PDLIM5: variants seen among roughly 807,000 people sequenced by gnomAD.
PDLIM5 encodes the protein PDZ and LIM domain 5.
A neutral mutation model predicts 64.2 loss-of-function variants in PDLIM5; 34 were observed. The observed-to-expected ratio is 0.53, with a 90% confidence interval of 0.40 to 0.71. The LOEUF is 0.71. PDLIM5 is among the 30% of genes least tolerant of loss of function. The pLI is 0.00. For missense variants in PDLIM5, 683 were observed against 733.6 expected, an observed-to-expected ratio of 0.93 and a Z score of 0.80; for synonymous variants, 253 against 269.1, an observed-to-expected ratio of 0.94 and a Z score of 0.59.
chr4:94,522,536 C>T (rs964487379), intron 2 of PDLIM5, among the ~76,000 whole-genome samples: 12 of 152,134 alleles, frequency 7.9e-5, no homozygotes, highest in East Asian at 3.9e-4. Flanking sequence ...CCACCACGCC[C>T]GGCTGATTTT....
At chr4:94,454,331 T>A (rs1195962827) in intron 1 of PDLIM5, among the ~76,000 whole-genome samples, 1 of 152,018 alleles carries the variant, frequency 6.6e-6, no homozygotes, top group Non-Finnish European at 1.5e-5. Context: ...CGAAGTTTTT[T>A]TTTTTTTTTT....
chr4:94,461,211 C>T (rs1344807543), intron 2 of PDLIM5, among the ~76,000 whole-genome samples: 1 of 152,144 alleles, frequency 6.6e-6, no homozygotes, highest in Admixed American at 6.5e-5. Context: ...TCAACTTTGG[C>T]AGATGAGACT....
At position 94,590,418 on chromosome 4, in the gene PDLIM5, A is replaced by G. The variant is rs114630092; in HGVS notation, c.920+3974A>G. On this transcript the variant is annotated intron_variant, in intron 7 of 12. Coordinates refer to ENST00000317968, the MANE Select transcript of PDLIM5 (RefSeq NM_006457.5). ...TTGTAAATATTTACTCATTGCCAGC[A>G]TTCATTCTTTCAAATGCATAATTGC... Among the ~76,000 whole-genome samples the G allele has an allele frequency of 3.7e-3, 566 of 152,336 alleles. 3 individuals carry two copies. Among genetic ancestry groups the G allele is most frequent in the Middle Eastern group, 6.8e-3 (2 of 294 alleles).
At chr4:94,489,506 A>G (rs1001967127) in intron 2 of PDLIM5, among the ~76,000 whole-genome samples, 6 of 152,124 alleles carry the variant, frequency 3.9e-5, no homozygotes, top group Non-Finnish European at 7.3e-5. Flanking sequence ...TTAGGTGCAG[A>G]ATATTCAGAA....
At chr4:94,649,993 G>A (rs1309399880) in intron 9 of PDLIM5, among the ~76,000 whole-genome samples, 3 of 152,204 alleles carry the variant, frequency 2.0e-5, no homozygotes, top group Non-Finnish European at 4.4e-5. Context: ...AATGTAGTAT[G>A]TTAAAGGACT....
At position 94,458,116 on chromosome 4, in the gene PDLIM5, C is replaced by T. The variant is rs535454173; in HGVS notation, c.96+2732C>T. Among the ~76,000 whole-genome samples, 9 of 152,094 alleles carry T rather than the reference C, an allele frequency of 5.9e-5. No individual in the cohort carries two copies. In the East Asian group the frequency reaches 1.7e-3, roughly 29 times the overall value. On this transcript the variant is annotated intron_variant, in intron 2 of 12. Transcript: ENST00000317968. ...AGTAACATTGCCTAATAAAGGTTTGCGTTTAATAACTAATTTATATTGTGG... is the reference window on the plus strand; with the variant it reads ...AGTAACATTGCCTAATAAAGGTTTGTGTTTAATAACTAATTTATATTGTGG...
At chr4:94,494,053 G>A (rs1375797516) in intron 2 of PDLIM5, among the ~76,000 whole-genome samples, 1 of 151,892 alleles carries the variant, frequency 6.6e-6, no homozygotes, top group Non-Finnish European at 1.5e-5. Flanking sequence ...TCTACTTGCT[G>A]GGTTCAAGTG....
At position 94,654,576 on chromosome 4, in the gene PDLIM5, G is replaced by A; in HGVS notation, c.1400G>A (p.Cys467Tyr). ...GTAGAGGAGAAAGGAGCCCTGTATT[G>A]TGAGCTGTGCTATGAGAAATTCTTT... ...GFVEEKGALYCELCYEKFFAP... is the reference protein window; with the variant it reads ...GFVEEKGALYYELCYEKFFAP... Residue 467 changes from cysteine to tyrosine, a missense_variant, in exon 10 of 13, where the codon TGT becomes TAT. Transcript: ENST00000317968. 1 of 1,612,748 alleles carries A rather than the reference G, an allele frequency of 6.2e-7. No individual in the cohort carries two copies.
intron 3 of PDLIM5, among the ~76,000 whole-genome samples, chr4:94,543,204 A>C (rs1294114097): frequency 6.6e-6 from 1 of 152,190 alleles, no homozygotes; most frequent in Non-Finnish European, 1.5e-5. Flanking sequence ...GGCAAGTCCC[A>C]AATCAAGGTG....
At chr4:94,579,531 T>C (rs1318234609) in intron 5 of PDLIM5, 4 of 1,371,196 alleles carry the variant, frequency 2.9e-6, no homozygotes, top group African/African-American at 2.9e-5. Context: ...AAAACACAAG[T>C]GACAAAGTTA....
chr4:94,475,228 T>G (rs1725223532), intron 2 of PDLIM5, among the ~76,000 whole-genome samples: 1 of 152,118 alleles, frequency 6.6e-6, no homozygotes, highest in Non-Finnish European at 1.5e-5. Context: ...GAGGGACTTA[T>G]TCTAATGGAG....
Position 94,626,490 on chromosome 4 carries a change from G to A in PDLIM5, c.1108+8299G>A, listed in dbSNP as rs574522842. On this transcript the variant is annotated intron_variant, in intron 8 of 12. Transcript: ENST00000317968. Reference sequence around the variant, plus strand: ...TTTCCTAAGTCAAAAGACAGTATCAGTGAACGTATTTAAGGAGGACTGTAT... The same window carrying A: ...TTTCCTAAGTCAAAAGACAGTATCAATGAACGTATTTAAGGAGGACTGTAT... Among the ~76,000 whole-genome samples, 4 of 152,310 alleles carry A rather than the reference G, an allele frequency of 2.6e-5. No homozygotes were observed. The East Asian group carries it at 7.7e-4, about 29-fold the overall frequency.
intron 5 of PDLIM5, chr4:94,582,941 A>C (rs1040428810): frequency 1.2e-5 from 6 of 504,534 alleles, no homozygotes; most frequent in Middle Eastern, 1.1e-3. Context: ...CTGTAATGAA[A>C]AACTTAGTAA....
At chr4:94,652,799 A>T (rs1001511570) in intron 9 of PDLIM5, among the ~76,000 whole-genome samples, 1 of 152,198 alleles carries the variant, frequency 6.6e-6, no homozygotes, top group African/African-American at 2.4e-5. Flanking sequence ...ACAAAATGGC[A>T]TCATGTTATT....
At chr4:94,561,581 T>C (rs540974521) in intron 3 of PDLIM5, among the ~76,000 whole-genome samples, 1 of 152,318 alleles carries the variant, frequency 6.6e-6, no homozygotes, top group African/African-American at 2.4e-5. Context: ...CTTTGCAAGG[T>C]CTCAGATCTT....
intron 8 of PDLIM5, among the ~76,000 whole-genome samples, chr4:94,632,226 G>A (rs1433735906): frequency 1.3e-5 from 2 of 152,222 alleles, no homozygotes; most frequent in East Asian, 3.8e-4. Flanking sequence ...TATTGGTAGA[G>A]CCAGTGCATT....
chr4:94,563,618 GT>G (rs1254471513), intron 3 of PDLIM5, among the ~76,000 whole-genome samples: 3 of 152,072 alleles, frequency 2.0e-5, no homozygotes, highest in African/African-American at 7.2e-5. Context: ...TACAAAAAAG[GT>G]TTGCAATTTA....
At chr4:94,480,722 T>G (rs760504898) in intron 2 of PDLIM5, among the ~76,000 whole-genome samples, 1 of 152,058 alleles carries the variant, frequency 6.6e-6, no homozygotes, top group Non-Finnish European at 1.5e-5. Context: ...GTGGGACCTA[T>G]CCACAAAGCA....
At chr4:94,506,743 G>A (rs557016081) in intron 2 of PDLIM5, among the ~76,000 whole-genome samples, 35 of 152,290 alleles carry the variant, frequency 2.3e-4, no homozygotes, top group Admixed American at 2.1e-3. Context: ...TGCTTAGATA[G>A]CAGGTAAAGC....
Sources: allele counts gnomAD v4.1 joint callset (sites outside exome capture counted in the v4.1 genomes callset), GRCh38; gene constraint gnomAD v4.1.1; transcripts MANE v1.5; gene names NCBI Gene and HGNC (gene_info 2026-07-23, HGNC 2026-07-21).